Variants in UBALD2 observed in about 807,000 individuals in gnomAD.
UBALD2 encodes UBA-like domain-containing protein 2.
A neutral mutation model predicts 15.9 loss-of-function variants in UBALD2; 8 were observed. That is an observed-to-expected ratio of 0.50 (90% CI 0.29 to 0.91). UBALD2 has a LOEUF of 0.91. UBALD2 is among the 40% of genes least tolerant of loss of function. The pLI is 0.07. For missense variants in UBALD2, 178 were observed against 234.8 expected, an observed-to-expected ratio of 0.76 and a Z score of 1.58; for synonymous variants, 113 against 97.7, an observed-to-expected ratio of 1.16 and a Z score of -0.93.
In UBALD2 at chr17:76,269,716, C is replaced by T. The variant is rs1230036194; in HGVS notation, c.184-478C>T. Among the ~76,000 whole-genome samples the T allele has an allele frequency of 6.6e-6, 1 of 152,224 alleles. No homozygotes were observed. On this transcript the variant is annotated intron_variant, in intron 2 of 2. Coordinates refer to ENST00000327490, the MANE Select transcript of UBALD2 (RefSeq NM_182565.4). This position sits in a 1 kb window ranked among gnomAD's most constrained non-coding sequence, Gnocchi z 4.6. The stretch of plus-strand genomic sequence containing the variant: ...CACCCTTAGTGTGGTGTGAACCCAT[C>T]CACCAAGGTGGCTTAACTTTTCCAG...
At chr17:76,267,676 T>G (rs1450434745) in intron 2 of UBALD2, among the ~76,000 whole-genome samples, 1 of 150,990 alleles carries the variant, frequency 6.6e-6, no homozygotes, top group Non-Finnish European at 1.5e-5. Flanking sequence ...TCTTTTTTTT[T>G]TTTTTTGAGA....
At chr17:76,265,795 G>A (rs2070540401) in intron 1 of UBALD2, 112 bp from the exon 2 acceptor site, 2 of 1,458,628 alleles carry the variant, frequency 1.4e-6, no homozygotes, top group African/African-American at 1.5e-5. Flanking sequence ...GGGCAGCCGA[G>A]GGTCGGGGGC....
In UBALD2 at chr17:76,265,496, G is replaced by A; in HGVS notation, c.-10G>A. ...GGCCGGAGACGCCGGGCCCCGCGCCGCGCCGCGCCATGTCGGTGAACATGG... is the reference window on the plus strand; with the variant it reads ...GGCCGGAGACGCCGGGCCCCGCGCCACGCCGCGCCATGTCGGTGAACATGG... On this transcript the variant is annotated 5_prime_UTR_variant, in exon 1 of 3. Coordinates refer to ENST00000327490, the MANE Select transcript of UBALD2 (RefSeq NM_182565.4). 2 of 1,196,158 alleles carry A rather than the reference G, an allele frequency of 1.7e-6. No individual in the cohort carries two copies. The highest frequency in any genetic ancestry group is 3.9e-5 in the South Asian group (2 of 51,178). 74.1% of individuals were successfully genotyped at this position (1,196,158 alleles called of 1,614,324 possible).
chr17:76,268,487 G>GT (rs900998422), intron 2 of UBALD2, among the ~76,000 whole-genome samples: 58 of 121,384 alleles, frequency 4.8e-4, no homozygotes, highest in South Asian at 2.9e-3. Context: ...TCCCCAGAGG[G>GT]TGGGGGGGGG....
chr17:76,266,095 G>A (rs890176180), intron 2 of UBALD2, 126 bp downstream of exon 2: 19 of 1,270,868 alleles, frequency 1.5e-5, no homozygotes, highest in Admixed American at 2.3e-5. Flanking sequence ...GGAAAGAGCG[G>A]CTCCCGGGCC....
Position 76,265,533 on chromosome 17 carries a change from C to T in UBALD2, c.28C>T (p.His10Tyr). 7.6e-7 allele frequency: 1 copy of T among 1,313,528 alleles called. No individual in the cohort carries two copies. The highest frequency in any genetic ancestry group is 9.9e-7 in the Non-Finnish European group (1 of 1,007,038). The allele number at this position is 1,313,528 out of a possible 1,614,324, so 81.4% of individuals were successfully genotyped here. A position where few individuals can be genotyped will look rare whatever the true frequency, so the allele number is the denominator to read the frequency against. The change falls in exon 1 of 3, where the codon CAC (histidine) becomes TAC (tyrosine). Residue 10 changes from histidine (H) to tyrosine (Y), a missense_variant. Transcript: ENST00000327490. ...GTCGGTGAACATGGACGAGCTGCGG[C>T]ACCAGGTCATGATCAACCAGTTCGT... Reference protein sequence around the residue: MSVNMDELRHQVMINQFVLA... With the variant: MSVNMDELRYQVMINQFVLA...
intron 1 of UBALD2, 100 bp from the exon 2 acceptor site, chr17:76,265,807 G>A: frequency 1.4e-6 from 2 of 1,475,006 alleles, no homozygotes; most frequent in South Asian, 1.2e-5. Context: ...GTCGGGGGCC[G>A]CGGGCCGGGC....
chr17:76,266,561 C>A (rs1382737900), intron 2 of UBALD2, among the ~76,000 whole-genome samples: 1 of 152,212 alleles, frequency 6.6e-6, no homozygotes, highest in East Asian at 1.9e-4. Flanking sequence ...ATCCCCCAAG[C>A]CAGGAGGACA....
chr17:76,270,153 C>T, intron 2 of UBALD2, 41 bp from the exon 3 acceptor site: 1 of 1,591,244 alleles, frequency 6.3e-7, no homozygotes, highest in Non-Finnish European at 8.5e-7. Context: ...GGCTCGGGGA[C>T]CCCCGAGGCA....
Position 76,265,528 on chromosome 17 carries a change from T to C in UBALD2, c.23T>C (p.Leu8Pro). 2 of 1,303,580 alleles carry C rather than the reference T, an allele frequency of 1.5e-6. No homozygotes were observed. Among genetic ancestry groups the C allele is most frequent in the Non-Finnish European group, 2.0e-6 (2 of 1,001,672 alleles). The allele number at this position is 1,303,580 out of a possible 1,614,324, so 80.8% of individuals were successfully genotyped here. The change falls in exon 1 of 3, where the codon CTG becomes CCG. Residue 8 changes from leucine (L) to proline (P), a missense_variant. Physicochemically the swap from Leu to Pro is moderately conservative, Grantham distance 98. Coordinates refer to ENST00000327490, the MANE Select transcript of UBALD2 (RefSeq NM_182565.4). MSVNMDE[L>P]RHQVMINQFV... ...GCCATGTCGGTGAACATGGACGAGC[T>C]GCGGCACCAGGTCATGATCAACCAG...
chr17:76,265,387 G>A lies in UBALD2; in HGVS notation c.-119G>A, dbSNP rs1421665684. ...GCGGGCGGCGGCGGAGCGGGCGGCG[G>A]AGCGGCGGCAGCAGCGGTGAGCGCG... On this transcript the variant is annotated 5_prime_UTR_variant, in exon 1 of 3. Coordinates refer to ENST00000327490, the MANE Select transcript of UBALD2 (RefSeq NM_182565.4). 1.7e-5 allele frequency: 16 copies of A among 936,322 alleles called. No individual in the cohort carries two copies. Among genetic ancestry groups the A allele is most frequent in the Non-Finnish European group, 2.0e-5 (16 of 786,830 alleles). 58.0% of individuals were successfully genotyped at this position (936,322 alleles called of 1,614,324 possible).
In UBALD2 at chr17:76,269,268, G is replaced by A. The variant is rs1358141055; in HGVS notation, c.184-926G>A. On this transcript the variant is annotated intron_variant, in intron 2 of 2. Transcript: ENST00000327490. The surrounding 1 kb of genome is among the most constrained non-coding windows in gnomAD (Gnocchi z 4.6). ...GCTCCTGGATGGCACTCCAGCCCCT[G>A]CCCCCAGGGTAGTGACAGAAGACAG... Among the ~76,000 whole-genome samples the A allele has an allele frequency of 2.0e-5, 3 of 152,136 alleles. No homozygotes were observed. The highest frequency in any genetic ancestry group is 4.4e-5 in the Non-Finnish European group (3 of 68,010).
Position 76,265,926 on chromosome 17 carries a change from TC to T in UBALD2, c.142del (p.Gln48LysfsTer14). ...CCGCAGACCGCGCTGAGCACGTTCT[TC>T]CAAGAAACCAACATTCCCAACAGCC... ...WQFETALSTF[F>X]QETNIPNSHH... On this transcript the variant is annotated frameshift_variant, in exon 2 of 3. Transcript: ENST00000327490. LOFTEE classifies it high-confidence loss of function. 1 of 1,604,184 alleles carries T rather than the reference TC, an allele frequency of 6.2e-7. No homozygotes were observed. Among genetic ancestry groups the T allele is most frequent in the Non-Finnish European group, 8.5e-7 (1 of 1,176,002 alleles).
At chr17:76,265,674 G>GGGC in intron 1 of UBALD2, 49 bp downstream of exon 1, 1 of 1,156,972 alleles carries the variant, frequency 8.6e-7, no homozygotes, top group Non-Finnish European at 1.1e-6. Flanking sequence ...CGGGGACGCC[G>GGGC]GGCGGCGGCG....
chr17:76,266,154 T>C (rs745891977), intron 2 of UBALD2, among the ~76,000 whole-genome samples, 185 bp downstream of exon 2: 85 of 152,270 alleles, frequency 5.6e-4, no homozygotes, highest in Non-Finnish European at 9.9e-4. Context: ...CTGCTGCTGC[T>C]TGGCCTCGGG....
In UBALD2 at chr17:76,270,309, C is replaced by G; in HGVS notation, c.299C>G (p.Ala100Gly). The change falls in exon 3 of 3, where the codon GCC (alanine) becomes GGC (glycine). Residue 100 changes from alanine (A) to glycine (G), a missense_variant. Physicochemically the swap from Ala to Gly is moderately conservative, Grantham distance 60. Transcript: ENST00000327490. ...CAGAGCAGCAACAGCCCCATGACAG[C>G]CGCAGCCTGCTCCCCACCTGCAAAC... ...GLQSSNSPMT[A>G]AACSPPANFS... 2.5e-6 allele frequency: 4 copies of G among 1,609,640 alleles called. No individual in the cohort carries two copies. Among genetic ancestry groups the G allele is most frequent in the Non-Finnish European group, 3.4e-6 (4 of 1,179,488 alleles).
chr17:76,268,247 C>A (rs1489090261), intron 2 of UBALD2, among the ~76,000 whole-genome samples: 1 of 152,198 alleles, frequency 6.6e-6, no homozygotes, highest in African/African-American at 2.4e-5. Flanking sequence ...TCAAAACCCT[C>A]ATTTTACAAA....
chr17:76,265,741 T>A, intron 1 of UBALD2, 116 bp downstream of exon 1: 1 of 1,320,026 alleles, frequency 7.6e-7, no homozygotes, highest in South Asian at 1.8e-5. Flanking sequence ...CGCGAGCGGG[T>A]CTTACGCGGG....
chr17:76,266,011 A>C (rs761847541), intron 2 of UBALD2, 42 bp downstream of exon 2: 1 of 1,543,082 alleles, frequency 6.5e-7, no homozygotes, highest in East Asian at 2.4e-5. Flanking sequence ...GGCCGCTGTC[A>C]GCGCGGCGGT....
Sources: allele counts gnomAD v4.1 joint callset (sites outside exome capture counted in the v4.1 genomes callset), GRCh38; gene constraint gnomAD v4.1.1; non-coding constraint Gnocchi (gnomAD v3.1); transcripts MANE v1.5; gene names NCBI Gene and HGNC (gene_info 2026-07-23, HGNC 2026-07-21).